The following KCNA4 variants were observed in gnomAD, a reference collection of about 807,000 sequenced individuals.
KCNA4 encodes the protein potassium voltage-gated channel subfamily A member 4, also known as cardiac potassium channel.
Under a neutral mutation model 37.2 loss-of-function variants are expected in KCNA4, and 5 were observed. The observed-to-expected ratio is 0.13, with a 90% CI of 0.07 to 0.28. KCNA4 has a LOEUF of 0.28. Among genes scored for constraint, KCNA4 ranks in the 10% least tolerant of loss-of-function variants. KCNA4 has a pLI of 1.00. For missense variants in KCNA4, 634 were observed against 817.4 expected, an observed-to-expected ratio of 0.78 and a Z score of 2.74; for synonymous variants, 350 against 311.8, an observed-to-expected ratio of 1.12 and a Z score of -1.29.
chr11:30,012,271 C>T lies in KCNA4; in HGVS notation c.408G>A (p.Glu136=), dbSNP rs755297208. The T allele has an allele frequency of 9.3e-6, 15 of 1,613,774 alleles. No individual in the cohort carries two copies. Among genetic ancestry groups the T allele is most frequent in the Non-Finnish European group, 1.3e-5 (15 of 1,179,974 alleles). Reference sequence around the variant, plus strand: ...CTTCACTATAGTAAAACCTTCCCTCCTCTTCCTCCTCTTCCTCCTCCTCCT... The same window carrying T: ...CTTCACTATAGTAAAACCTTCCCTCTTCTTCCTCCTCTTCCTCCTCCTCCT... ...EDEEEEEEEE[E]EGRFYYSEDD... is the part of the protein sequence containing the mutation. The change falls in exon 2 of 2, where the codon GAG becomes GAA. Residue 136 remains glutamate (E), a synonymous_variant. Transcript: ENST00000328224.
rs1850359366 is a variant in KCNA4, at chr11:30,017,029, C to G, written c.-1240G>C. The G allele has an allele frequency of 2.5e-6, 1 of 397,046 alleles. No individual in the cohort carries two copies. Among genetic ancestry groups the G allele is most frequent in the African/African-American group, 2.1e-5 (1 of 48,548 alleles). 24.6% of individuals were successfully genotyped at this position (397,046 alleles called of 1,614,324 possible). On this transcript the variant is annotated 5_prime_UTR_variant, in exon 1 of 2. Coordinates refer to ENST00000328224, the MANE Select transcript of KCNA4 (RefSeq NM_002233.4). ...CGCCTCCCCTGGCCGCGAACGCGCT[C>G]TGGGCGGGGGCGGGGCCAGGGCCGA...
chr11:30,016,761 C>A lies in KCNA4; in HGVS notation c.-972G>T. The stretch of plus-strand genomic sequence containing the variant: ...CCACGGAACAAGTTCTGTTGCCTGG[C>A]CCGAGGGGTGCACAGAGTCCTCGCG... On this transcript the variant is annotated 5_prime_UTR_variant, in exon 1 of 2. Coordinates refer to ENST00000328224, the MANE Select transcript of KCNA4 (RefSeq NM_002233.4). The A allele has an allele frequency of 2.6e-6, 1 of 378,662 alleles. No individual in the cohort carries two copies. The allele number at this position is 378,662 out of a possible 1,614,324, so 23.5% of individuals were successfully genotyped here. A position where few individuals can be genotyped will look rare whatever the true frequency, so the allele number is the denominator to read the frequency against.
In KCNA4 at chr11:30,012,813, C is replaced by A; in HGVS notation, c.-135G>T. 7.5e-7 allele frequency: 1 copy of A among 1,325,372 alleles called. No homozygotes were observed. 82.1% of individuals were successfully genotyped at this position (1,325,372 alleles called of 1,614,324 possible). The stretch of plus-strand genomic sequence containing the variant: ...TTGCTTGGAAGACTAAGGATATTTT[C>A]AGTCCAACTTTGCATTTTCTGTTTT... On this transcript the variant is annotated 5_prime_UTR_variant, in exon 2 of 2. The change abolishes the stop of an existing upstream ORF in the 5' untranslated region. Transcript: ENST00000328224.
chr11:30,011,342 A>G lies in KCNA4; in HGVS notation c.1337T>C (p.Ile446Thr), dbSNP rs1850301108. 1 of 1,614,168 alleles carries G rather than the reference A, an allele frequency of 6.2e-7. No individual in the cohort carries two copies. The stretch of plus-strand genomic sequence containing the variant: ...GATCCGGAATACTCGGACCAGACGA[A>G]TGATTCTGAGGATGGCAAAGGACAT... ...QAMSFAILRI[I>T]RLVRVFRIFK... Residue 446 changes from isoleucine to threonine, a missense_variant, in exon 2 of 2, where the codon ATT becomes ACT. Physicochemically the swap from Ile to Thr is moderately conservative, Grantham distance 89. Coordinates refer to ENST00000328224, the MANE Select transcript of KCNA4 (RefSeq NM_002233.4). The surrounding 1 kb of genome is among the most constrained non-coding windows in gnomAD (Gnocchi z 5.6).
In KCNA4 at chr11:30,010,649, A is replaced by T; in HGVS notation, c.*68T>A. 2 of 1,532,436 alleles carry T rather than the reference A, an allele frequency of 1.3e-6. No individual in the cohort carries two copies. The highest frequency in any genetic ancestry group is 1.7e-6 in the Non-Finnish European group (2 of 1,143,604). The allele number at this position is 1,532,436 out of a possible 1,614,324, so 94.9% of individuals were successfully genotyped here. A position where few individuals can be genotyped will look rare whatever the true frequency, so the allele number is the denominator to read the frequency against. On this transcript the variant is annotated 3_prime_UTR_variant, in exon 2 of 2. Transcript: ENST00000328224. ...ATCATTTGCATATTTCATTTTCATA[A>T]CTGCACTCTCTATGCATAAATATAT...
rs1008917190 is a variant in KCNA4 at position 30,010,399 on chromosome 11, C to T, written c.*318G>A. Reference sequence around the variant, plus strand: ...ACATTGACAATTTACTTCACACACACACACATATACACACACACGCACACA... The same window carrying T: ...ACATTGACAATTTACTTCACACACATACACATATACACACACACGCACACA... On this transcript the variant is annotated 3_prime_UTR_variant, in exon 2 of 2. Transcript: ENST00000328224. The T allele has an allele frequency of 1.6e-5, 5 of 303,854 alleles. No homozygotes were observed. Among genetic ancestry groups the T allele is most frequent in the Middle Eastern group, 9.4e-4 (1 of 1,060 alleles). The allele number at this position is 303,854 out of a possible 1,614,324, so 18.8% of individuals were successfully genotyped here. A position where few individuals can be genotyped will look rare whatever the true frequency, so the allele number is the denominator to read the frequency against.
Position 30,013,152 on chromosome 11 carries a change from T to G in KCNA4, c.-474A>C, listed in dbSNP as rs1194201016. ...CCATTAAATGTAAATAAAATGCAAA[T>G]AAGCCTTTACTGTTAGCACTTGCCT... is the stretch of plus-strand genomic sequence containing the variant. On this transcript the variant is annotated 5_prime_UTR_variant, in exon 2 of 2. Transcript: ENST00000328224. 2 of 168,096 alleles carry G rather than the reference T, an allele frequency of 1.2e-5. No homozygotes were observed. Among genetic ancestry groups the G allele is most frequent in the Middle Eastern group, 3.1e-3 (1 of 324 alleles). 10.4% of individuals were successfully genotyped at this position (168,096 alleles called of 1,614,324 possible).
rs745934483 is a variant in KCNA4, at chr11:30,011,042, A to G, written c.1637T>C (p.Ile546Thr). Residue 546 changes from isoleucine to threonine, a missense_variant, in exon 2 of 2, where the codon ATT becomes ACT. By Grantham distance (89) the Ile-to-Thr change is moderately conservative. This residue lies in a region of KCNA4 where 15 missense variants were observed against 27.3 expected (regional missense o/e 0.55). Transcript: ENST00000328224. The surrounding 1 kb of genome is among the most constrained non-coding windows in gnomAD (Gnocchi z 5.6). ...CAAAGCAATGGTTAAGACACCCGCA[A>G]TGGCACACAGGGACCCGACAATCTT... ...GGKIVGSLCA[I>T]AGVLTIALPV... is the part of the protein sequence containing the mutation. The G allele has an allele frequency of 6.2e-7, 1 of 1,614,220 alleles. No individual in the cohort carries two copies. Among genetic ancestry groups the G allele is most frequent in the Admixed American group, 1.7e-5 (1 of 60,030 alleles).
In KCNA4 at chr11:30,011,570, G is replaced by A. The variant is rs1368755762; in HGVS notation, c.1109C>T (p.Pro370Leu). Residue 370 changes from proline (P) to leucine (L), a missense_variant, in exon 2 of 2, where the codon CCC (proline) becomes CTC (leucine). Transcript: ENST00000328224. This position sits in a 1 kb window ranked among gnomAD's most constrained non-coding sequence, Gnocchi z 5.6. ...ACAGACTGTTTCCACGATGAAGAAG[G>A]GGTCATTGAATATTGTGTGCCCTGA... is the stretch of plus-strand genomic sequence containing the variant. ...ENSGHTIFND[P>L]FFIVETVCIV... 6.2e-7 allele frequency: 1 copy of A among 1,613,938 alleles called. No individual in the cohort carries two copies. The highest frequency in any genetic ancestry group is 8.5e-7 in the Non-Finnish European group (1 of 1,180,028).
Position 30,011,666 on chromosome 11 carries a change from A to G in KCNA4, c.1013T>C (p.Leu338Pro). ...CCCGCCAGCACTCAGTGCCATGACG[A>G]GATCCCTGTCGTCCCTAAACTCAGG... ...TLPEFRDDRD[L>P]VMALSAGGHG... The change falls in exon 2 of 2, where the codon CTC becomes CCC. Residue 338 changes from leucine (L) to proline (P), a missense_variant. By Grantham distance (98) the Leu-to-Pro change is moderately conservative. Around this residue, in one of 8 missense-constraint regions of KCNA4, gnomAD observed 252 missense variants for 344.2 expected, o/e 0.73. Coordinates refer to ENST00000328224, the MANE Select transcript of KCNA4 (RefSeq NM_002233.4). The surrounding 1 kb of genome is among the most constrained non-coding windows in gnomAD (Gnocchi z 5.6). 2.5e-6 allele frequency: 4 copies of G among 1,614,152 alleles called. No individual in the cohort carries two copies. The highest frequency in any genetic ancestry group is 3.4e-6 in the Non-Finnish European group (4 of 1,180,024).
Position 30,011,844 on chromosome 11 carries a change from C to G in KCNA4, c.835G>C (p.Glu279Gln), listed in dbSNP as rs368811039. The change falls in exon 2 of 2, where the codon GAG becomes CAG. Residue 279 changes from glutamate (E) to glutamine (Q), a missense_variant. By Grantham distance (29) the Glu-to-Gln change is conservative. Transcript: ENST00000328224. This position sits in a 1 kb window ranked among gnomAD's most constrained non-coding sequence, Gnocchi z 5.6. ...TTCTCGGGGAGGGCCCTGTCTTCCT[C>G]TTCTCTCACAAAGCCCTCGTCCTCC... ...FREDEGFVRE[E>Q]EDRALPENEF... is the part of the protein sequence containing the mutation. 1 of 1,614,000 alleles carries G rather than the reference C, an allele frequency of 6.2e-7. No individual in the cohort carries two copies. The highest frequency in any genetic ancestry group is 1.3e-5 in the African/African-American group (1 of 74,878).
In KCNA4 at chr11:30,012,290, T is replaced by G; in HGVS notation, c.389A>C (p.Glu130Ala). The change falls in exon 2 of 2, where the codon GAG (glutamate) becomes GCG (alanine). Residue 130 changes from glutamate to alanine, a missense_variant. This residue lies in a region of KCNA4 where 236 missense variants were observed against 229.5 expected (regional missense o/e 1.03). Coordinates refer to ENST00000328224, the MANE Select transcript of KCNA4 (RefSeq NM_002233.4). ...TCCCTCCTCTTCCTCCTCTTCCTCC[T>G]CCTCCTCATCTTCCTCCTCCTCACT... ...ELSEEEEDEE[E>A]EEEEEEEGRF... The G allele has an allele frequency of 6.2e-7, 1 of 1,613,906 alleles. No homozygotes were observed. Among genetic ancestry groups the G allele is most frequent in the Non-Finnish European group, 8.5e-7 (1 of 1,179,954 alleles).
chr11:30,011,626 C>T lies in KCNA4; in HGVS notation c.1053G>A (p.Leu351=). ...ALSAGGHGGL[L]NDTSAPHLEN... Reference sequence around the variant, plus strand: ...CCAGATGGGGTGCTGAAGTATCATTCAACAACCCACCATGCCCGCCAGCAC... The same window carrying T: ...CCAGATGGGGTGCTGAAGTATCATTTAACAACCCACCATGCCCGCCAGCAC... The change falls in exon 2 of 2, where the codon TTG becomes TTA. Residue 351 remains leucine, a synonymous_variant. Coordinates refer to ENST00000328224, the MANE Select transcript of KCNA4 (RefSeq NM_002233.4). The surrounding 1 kb of genome is among the most constrained non-coding windows in gnomAD (Gnocchi z 5.6). 6.2e-7 allele frequency: 1 copy of T among 1,613,976 alleles called. No individual in the cohort carries two copies. Among genetic ancestry groups the T allele is most frequent in the Non-Finnish European group, 8.5e-7 (1 of 1,179,996 alleles).
chr11:30,011,214 C>T lies in KCNA4; in HGVS notation c.1465G>A (p.Val489Ile). The change falls in exon 2 of 2, where the codon GTC (valine) becomes ATC (isoleucine). Residue 489 changes from valine (V) to isoleucine (I), a missense_variant. Physicochemically the swap from Val to Ile is conservative, Grantham distance 29 (BLOSUM62 3). Around this residue, in one of 8 missense-constraint regions of KCNA4, gnomAD observed 19 missense variants for 56.6 expected, o/e 0.34. Coordinates refer to ENST00000328224, the MANE Select transcript of KCNA4 (RefSeq NM_002233.4). This position sits in a 1 kb window ranked among gnomAD's most constrained non-coding sequence, Gnocchi z 5.6. ...TACACAGCACTAGAAAAGAGGATGA[C>T]CCCAATGAAGAGGAAGAAGATCAGA... ...GLLIFFLFIG[V>I]ILFSSAVYFA... 1.2e-6 allele frequency: 2 copies of T among 1,614,116 alleles called. No individual in the cohort carries two copies. Among genetic ancestry groups the T allele is most frequent in the Admixed American group, 1.7e-5 (1 of 60,020 alleles).
In KCNA4 at chr11:30,016,124, C is replaced by A. The variant is rs1590494648; in HGVS notation, c.-783+448G>T. ...AGCCCCTATGTATGTTGCTCAAATG[C>A]TCGGAAAATGCACGCAAATCCAAAC... is the stretch of plus-strand genomic sequence containing the variant. On this transcript the variant is annotated intron_variant, in intron 1 of 1. Coordinates refer to ENST00000328224, the MANE Select transcript of KCNA4 (RefSeq NM_002233.4). Among the ~76,000 whole-genome samples, 3 of 152,138 alleles carry A rather than the reference C, an allele frequency of 2.0e-5. No individual in the cohort carries two copies. In the East Asian group the frequency reaches 5.8e-4, roughly 29 times the overall value.
intron 1 of KCNA4, among the ~76,000 whole-genome samples, chr11:30,014,906 A>T (rs192171978): frequency 1.3e-5 from 2 of 152,260 alleles, no homozygotes; most frequent in African/African-American, 4.8e-5. Flanking sequence ...GGAAAGCATA[A>T]GAGAAATGGC....
intron 1 of KCNA4, among the ~76,000 whole-genome samples, chr11:30,016,107 T>G (rs1850347851): frequency 6.6e-6 from 1 of 151,924 alleles, no homozygotes; most frequent in South Asian, 2.1e-4. Context: ...GCAGCCCCTA[T>G]GTATGTTGCT....
rs780340601 is a variant in KCNA4 at position 30,011,335 on chromosome 11, C to G, written c.1344G>C (p.Leu448=). ...GTTTGAAGATCCGGAATACTCGGAC[C>G]AGACGAATGATTCTGAGGATGGCAA... ...MSFAILRIIR[L]VRVFRIFKLS... Residue 448 remains leucine (L), a synonymous_variant, in exon 2 of 2, where the codon CTG becomes CTC. Transcript: ENST00000328224. The surrounding 1 kb of genome is among the most constrained non-coding windows in gnomAD (Gnocchi z 5.6). 6 of 1,614,024 alleles carry G rather than the reference C, an allele frequency of 3.7e-6. No individual in the cohort carries two copies. Among genetic ancestry groups the G allele is most frequent in the African/African-American group, 1.3e-5 (1 of 74,898 alleles).
At chr11:30,015,206 C>T (rs1850340112) in intron 1 of KCNA4, among the ~76,000 whole-genome samples, 1 of 152,148 alleles carries the variant, frequency 6.6e-6, no homozygotes, top group Non-Finnish European at 1.5e-5. Flanking sequence ...GAAATGTTTA[C>T]CCTCAAGGAG....
Sources: allele counts gnomAD v4.1 joint callset (sites outside exome capture counted in the v4.1 genomes callset), GRCh38; gene constraint gnomAD v4.1.1; regional missense constraint gnomAD v4.1.1; non-coding constraint Gnocchi (gnomAD v3.1); transcripts MANE v1.5; gene names NCBI Gene and HGNC (gene_info 2026-07-23, HGNC 2026-07-21).